The following KIF26B variants were observed in gnomAD, a reference collection of about 807,000 sequenced individuals.
KIF26B encodes kinesin family member 26B.
A neutral mutation model predicts 151.2 loss-of-function variants in KIF26B; 63 were observed. The observed-to-expected ratio is 0.42, with a 90% confidence interval of 0.34 to 0.51. KIF26B has a LOEUF of 0.51. Among genes scored for constraint, KIF26B ranks in the 20% least tolerant of loss-of-function variants. The pLI is 0.07. For missense variants in KIF26B, 2,813 were observed against 2,913.6 expected (o/e 0.97, Z 0.79); for synonymous variants, 1,357 against 1,262.1 (o/e 1.08, Z -1.59).
At chr1:245,296,744 C>T (rs1558379275) in intron 2 of KIF26B, among the ~76,000 whole-genome samples, 1 of 152,226 alleles carries the variant, frequency 6.6e-6, no homozygotes, top group African/African-American at 2.4e-5. Context: ...CCCCTCTGCT[C>T]CCTGCTGATT....
At chr1:245,404,526 A>AC (rs536358846) in intron 3 of KIF26B, among the ~76,000 whole-genome samples, 39 of 152,244 alleles carry the variant, frequency 2.6e-4, no homozygotes, top group African/African-American at 8.9e-4. Flanking sequence ...ACTTTGCCTG[A>AC]CCCATATTAT....
At chr1:245,691,358 C>T (rs2044624498) in intron 12 of KIF26B, among the ~76,000 whole-genome samples, 1 of 152,154 alleles carries the variant, frequency 6.6e-6, no homozygotes, top group African/African-American at 2.4e-5. Context: ...TGGAGGAAAA[C>T]AGTGTAAAAT....
chr1:245,490,397 C>G (rs112190138), intron 4 of KIF26B, among the ~76,000 whole-genome samples: 1 of 151,044 alleles, frequency 6.6e-6, no homozygotes, highest in Admixed American at 6.6e-5. Context: ...CTGCAACCTC[C>G]GCCTCCCGGG....
chr1:245,401,772 AG>A lies in KIF26B; in HGVS notation c.1000-17805del. Among the ~76,000 whole-genome samples, 3 of 152,340 alleles carry A rather than the reference AG, an allele frequency of 2.0e-5. No homozygotes were observed. The East Asian group carries it at 5.8e-4, about 29-fold the overall frequency. On this transcript the variant is annotated intron_variant, in intron 3 of 14. Transcript: ENST00000407071. ...ATAATCCCAGCTACTCAGGAGGCTGAGGCATGAGAATTGCTTGAACTCGGGA... is the reference window on the plus strand; with the variant it reads ...ATAATCCCAGCTACTCAGGAGGCTGAGCATGAGAATTGCTTGAACTCGGGA...
chr1:245,178,577 C>A (rs545306144), intron 2 of KIF26B, among the ~76,000 whole-genome samples: 1 of 152,250 alleles, frequency 6.6e-6, no homozygotes. Context: ...CATCCACCCA[C>A]TTCCATCATC....
intron 2 of KIF26B, among the ~76,000 whole-genome samples, chr1:245,364,343 A>G (rs372486469): frequency 6.6e-6 from 1 of 151,264 alleles, no homozygotes; most frequent in African/African-American, 2.4e-5. Context: ...CCTAGGTCAG[A>G]GTCAAATCCA....
At chr1:245,228,612 C>T (rs1412494220) in intron 2 of KIF26B, among the ~76,000 whole-genome samples, 1 of 151,300 alleles carries the variant, frequency 6.6e-6, no homozygotes, top group Non-Finnish European at 1.5e-5. Context: ...GTAAGTAGGA[C>T]TAGAGGAAAG....
At chr1:245,165,670 C>G (rs11576530) in intron 2 of KIF26B, among the ~76,000 whole-genome samples, 1 of 152,058 alleles carries the variant, frequency 6.6e-6, no homozygotes, top group African/African-American at 2.4e-5. Context: ...GCTAAGAAGA[C>G]AGACCAAGAA....
chr1:245,261,115 GTTCC>G (rs1255402495), intron 2 of KIF26B, among the ~76,000 whole-genome samples: 3 of 125,288 alleles, frequency 2.4e-5, no homozygotes, highest in African/African-American at 9.2e-5. Context: ...TCCTTCCTCC[GTTCC>G]TTCCTTCCTT....
At chr1:245,558,405 G>A (rs1359610906) in intron 5 of KIF26B, among the ~76,000 whole-genome samples, 1 of 152,220 alleles carries the variant, frequency 6.6e-6, no homozygotes, top group African/African-American at 2.4e-5. Context: ...CCTTTGACCT[G>A]CCCGGGCAGG....
intron 2 of KIF26B, among the ~76,000 whole-genome samples, chr1:245,284,896 G>T (rs1306200002): frequency 6.6e-6 from 1 of 152,096 alleles, no homozygotes; most frequent in South Asian, 2.1e-4. Context: ...AAAATTAGCC[G>T]GGCGTGGTGG....
chr1:245,480,737 G>A (rs1196330165), intron 4 of KIF26B, among the ~76,000 whole-genome samples: 2 of 149,334 alleles, frequency 1.3e-5, no homozygotes, highest in Admixed American at 1.3e-4. Context: ...TATCTTATGT[G>A]TTCCAAGTGC....
intron 7 of KIF26B, 56 bp from the exon 8 acceptor site, chr1:245,609,210 C>A (rs766546713): frequency 1.0e-5 from 15 of 1,497,118 alleles, no homozygotes; most frequent in Middle Eastern, 1.8e-4. Flanking sequence ...TTGGAGACTC[C>A]GTGGAATGAT....
chr1:245,270,838 A>G (rs1351427580), intron 2 of KIF26B, among the ~76,000 whole-genome samples: 2 of 152,224 alleles, frequency 1.3e-5, no homozygotes, highest in Non-Finnish European at 2.9e-5. Context: ...TGCCAAGACC[A>G]ATGTTTTGAA....
chr1:245,630,936 CT>C lies in KIF26B; in HGVS notation c.2099-15180del, dbSNP rs2043774697. Among the ~76,000 whole-genome samples the C allele has an allele frequency of 3.3e-5, 5 of 152,000 alleles. No homozygotes were observed. In the South Asian group the frequency reaches 8.3e-4, roughly 25 times the overall value. On this transcript the variant is annotated intron_variant, in intron 9 of 14. Transcript: ENST00000407071. ...GTAGATGGGGTAGCTTTCTTGGTTT[CT>C]TTTTCAACTATTTGTTGCTGGTGTG...
chr1:245,386,336 T>TA (rs3038167), intron 3 of KIF26B, among the ~76,000 whole-genome samples: 3,063 of 147,774 alleles, frequency 0.021, 75 homozygotes, highest in African/African-American at 0.055. Context: ...GTAATTGATC[T>TA]AAAAAAAAAA....
At chr1:245,534,469 G>GT (rs1354670330) in intron 4 of KIF26B, among the ~76,000 whole-genome samples, 1 of 151,760 alleles carries the variant, frequency 6.6e-6, no homozygotes, top group Admixed American at 6.6e-5. Context: ...CCCACTTTTT[G>GT]TTTTTTTATA....
At chr1:245,629,435 T>C (rs149322762) in intron 9 of KIF26B, among the ~76,000 whole-genome samples, 1 of 152,034 alleles carries the variant, frequency 6.6e-6, no homozygotes, top group East Asian at 1.9e-4. Flanking sequence ...ACCTCAGAAA[T>C]AACACTACAC....
At chr1:245,531,123 G>T (rs1267013740) in intron 4 of KIF26B, among the ~76,000 whole-genome samples, 1 of 152,110 alleles carries the variant, frequency 6.6e-6, no homozygotes, top group South Asian at 2.1e-4. Flanking sequence ...CTATAATATG[G>T]AGATATGTTG....
Sources: gnomAD v4.1 joint callset for allele counts (sites outside exome capture counted in the v4.1 genomes callset) on GRCh38, gnomAD v4.1.1 for gene constraint, MANE v1.5 for transcripts, NCBI Gene and HGNC (gene_info 2026-07-23, HGNC 2026-07-21) for gene names.